Variants in GPC6 observed in about 807,000 individuals in gnomAD.
GPC6 encodes glypican 6.
In GPC6, 14 loss-of-function variants were observed where a neutral mutation model predicts 55.2. That is an observed-to-expected ratio of 0.25 (90% CI 0.17 to 0.40). The LOEUF is 0.40. Ranked by LOEUF, GPC6 falls within the 10% of genes least tolerant of loss-of-function variation. GPC6 has a pLI of 1.00. For synonymous variants in GPC6, 278 were observed against 259.6 expected, an observed-to-expected ratio of 1.07 and a Z score of -0.68; for missense variants, 641 against 708.5, an observed-to-expected ratio of 0.90 and a Z score of 1.08.
chr13:94,096,983 TTGATAAATATGTTAATACCTATTA>T (rs71686395), intron 4 of GPC6, among the ~76,000 whole-genome samples: 19,852 of 150,794 alleles, frequency 0.13, 1,592 homozygotes, highest in East Asian at 0.32. Context: ...AGTGATTCAT[TTGATAAATATGTTAATACCTATTA>T]TGATAAATAG....
chr13:93,677,750 T>C (rs1373819395), intron 2 of GPC6, among the ~76,000 whole-genome samples: 1 of 152,152 alleles, frequency 6.6e-6, no homozygotes, highest in African/African-American at 2.4e-5. Context: ...GGTAAAATAC[T>C]ACCCAGGTTT....
chr13:94,219,890 C>T (rs1287522728), intron 4 of GPC6, among the ~76,000 whole-genome samples: 2 of 152,100 alleles, frequency 1.3e-5, no homozygotes, highest in Non-Finnish European at 2.9e-5. Flanking sequence ...GTTTGTCATT[C>T]AGGTTCTGAT....
rs183813436 is a variant in GPC6 at position 93,649,578 on chromosome 13, A to G, written c.319+104157A>G. Reference sequence around the variant, plus strand: ...TTCAGAAGTAATAAGTCCAGCAAAAAAATGGTGAGATCTTATTCCCTGCTG... The same window carrying G: ...TTCAGAAGTAATAAGTCCAGCAAAAGAATGGTGAGATCTTATTCCCTGCTG... On this transcript the variant is annotated intron_variant, in intron 2 of 8. Transcript: ENST00000377047. Among the ~76,000 whole-genome samples, 3 of 152,326 alleles carry G rather than the reference A, an allele frequency of 2.0e-5. No individual in the cohort carries two copies. The East Asian group carries it at 5.8e-4, about 29-fold the overall frequency.
At chr13:93,567,513 C>T (rs906563091) in intron 2 of GPC6, among the ~76,000 whole-genome samples, 14 of 151,376 alleles carry the variant, frequency 9.2e-5, no homozygotes, top group Non-Finnish European at 1.9e-4. Context: ...TTAGTAGAGA[C>T]AGGGTGTCAC....
intron 4 of GPC6, among the ~76,000 whole-genome samples, chr13:94,097,560 T>TTCAAA (rs1396622311): frequency 1.3e-5 from 2 of 150,918 alleles, no homozygotes. Context: ...GACATAGAGT[T>TTCAAA]TCAAATTTGC....
At chr13:93,322,324 G>A (rs147381807) in intron 1 of GPC6, among the ~76,000 whole-genome samples, 9 of 151,260 alleles carry the variant, frequency 6.0e-5, no homozygotes, top group Non-Finnish European at 1.3e-4. Flanking sequence ...GCCACAGTGT[G>A]TGTATATGTG....
chr13:93,672,215 A>ATGTG (rs768893805), intron 2 of GPC6, among the ~76,000 whole-genome samples: 23 of 142,562 alleles, frequency 1.6e-4, no homozygotes, highest in African/African-American at 5.4e-4. Context: ...GTGTGTGTAT[A>ATGTG]TGTGTGTGTG....
intron 6 of GPC6, among the ~76,000 whole-genome samples, chr13:94,340,142 T>C (rs1207659018): frequency 6.6e-6 from 1 of 152,104 alleles, no homozygotes; most frequent in Non-Finnish European, 1.5e-5. Context: ...CAGTTGCTTA[T>C]AGGTATCAAA....
intron 7 of GPC6, among the ~76,000 whole-genome samples, chr13:94,387,032 T>C (rs1180333154): frequency 3.3e-5 from 5 of 152,236 alleles, no homozygotes; most frequent in Admixed American, 1.3e-4. Context: ...TTTAAAAAGC[T>C]GTTATTAAGT....
chr13:94,096,929 T>A (rs1386222424), intron 4 of GPC6, among the ~76,000 whole-genome samples: 1 of 152,168 alleles, frequency 6.6e-6, no homozygotes, highest in Non-Finnish European at 1.5e-5. Context: ...GAATGGAACA[T>A]GTGGACATGT....
At chr13:94,272,956 G>T (rs1263609988) in intron 4 of GPC6, among the ~76,000 whole-genome samples, 1 of 152,156 alleles carries the variant, frequency 6.6e-6, no homozygotes, top group African/African-American at 2.4e-5. Flanking sequence ...TGAAGAGGGT[G>T]AACTGGACAC....
intron 1 of GPC6, among the ~76,000 whole-genome samples, chr13:93,314,828 A>T (rs1879193729): frequency 1.3e-5 from 2 of 151,936 alleles, no homozygotes; most frequent in African/African-American, 4.8e-5. Flanking sequence ...GAAGAAGATT[A>T]ATCTGGGAGT....
intron 2 of GPC6, among the ~76,000 whole-genome samples, chr13:93,814,474 G>A (rs1347620324): frequency 6.6e-6 from 1 of 152,224 alleles, no homozygotes; most frequent in East Asian, 1.9e-4. Flanking sequence ...CATTAGGTAT[G>A]ACTTAAGCAA....
At chr13:93,557,386 T>C (rs1456286904) in intron 2 of GPC6, among the ~76,000 whole-genome samples, 1 of 151,686 alleles carries the variant, frequency 6.6e-6, no homozygotes, top group African/African-American at 2.4e-5. Context: ...GTGTAATATA[T>C]TATGATTGAT....
At chr13:93,517,377 A>G (rs906008646) in intron 1 of GPC6, among the ~76,000 whole-genome samples, 1 of 152,118 alleles carries the variant, frequency 6.6e-6, no homozygotes, top group Admixed American at 6.6e-5. Context: ...ACATTTTCAT[A>G]TGCTAACTTG....
At chr13:94,298,879 C>T (rs1236114151) in intron 5 of GPC6, among the ~76,000 whole-genome samples, 1 of 152,220 alleles carries the variant, frequency 6.6e-6, no homozygotes, top group East Asian at 1.9e-4. Context: ...ATATAAAACA[C>T]ATAGCACAGT....
intron 3 of GPC6, among the ~76,000 whole-genome samples, chr13:93,884,399 C>A (rs1594555332): frequency 6.6e-6 from 1 of 152,106 alleles, no homozygotes; most frequent in East Asian, 1.9e-4. Flanking sequence ...TCCTTCAAAT[C>A]ATAGATATTT....
At chr13:93,573,446 A>G (rs994608227) in intron 2 of GPC6, among the ~76,000 whole-genome samples, 1 of 152,032 alleles carries the variant, frequency 6.6e-6, no homozygotes, top group African/African-American at 2.4e-5. Context: ...GTACTCCCCA[A>G]ACCTGATGGA....
chr13:93,231,330 CGT>C (rs1491497382), intron 1 of GPC6, among the ~76,000 whole-genome samples: 2,007 of 23,008 alleles, frequency 0.087, 54 homozygotes, highest in African/African-American at 0.17. Flanking sequence ...TATATATATA[CGT>C]ATATATATAT....
Sources: allele counts gnomAD v4.1 joint callset (sites outside exome capture counted in the v4.1 genomes callset), GRCh38; gene constraint gnomAD v4.1.1; transcripts MANE v1.5; gene names NCBI Gene and HGNC (gene_info 2026-07-23, HGNC 2026-07-21).